PRTFDC1: variants seen among roughly 807,000 people sequenced by gnomAD.
The protein encoded by PRTFDC1 is phosphoribosyltransferase domain-containing protein 1.
Under a neutral mutation model 34.6 loss-of-function variants are expected in PRTFDC1, and 38 were observed. That is an observed-to-expected ratio of 1.10 (90% CI 0.85 to 1.44). The LOEUF (loss-of-function observed/expected upper bound fraction) is 1.44. Ranked by LOEUF, PRTFDC1 falls within the 40% of genes most tolerant of loss-of-function variation. The pLI is 0.00. For missense variants in PRTFDC1, 270 were observed against 283.0 expected, an observed-to-expected ratio of 0.95 and a Z score of 0.33; for synonymous variants, 93 against 98.1, an observed-to-expected ratio of 0.95 and a Z score of 0.31.
chr10:24,939,793 CAAAAAAAAAAAAA>C (rs55974992), intron 2 of PRTFDC1, among the ~76,000 whole-genome samples: 3 of 71,542 alleles, frequency 4.2e-5, no homozygotes, highest in African/African-American at 1.7e-4. Flanking sequence ...GACTCTATCT[CAAAAAAAAAAAAA>C]AAAAAAAAAG....
At chr10:24,917,919 T>C (rs1848721284) in intron 3 of PRTFDC1, among the ~76,000 whole-genome samples, 1 of 152,142 alleles carries the variant, frequency 6.6e-6, no homozygotes, top group Non-Finnish European at 1.5e-5. Flanking sequence ...ATATAAAAAG[T>C]TTAGCTGGAT....
At chr10:24,913,304 G>T (rs1460285136) in intron 3 of PRTFDC1, among the ~76,000 whole-genome samples, 1 of 152,218 alleles carries the variant, frequency 6.6e-6, no homozygotes, top group Non-Finnish European at 1.5e-5. Flanking sequence ...AAGGAATAAC[G>T]TCAGGCAGTC....
At chr10:24,851,646 C>T (rs1210300820) in intron 7 of PRTFDC1, among the ~76,000 whole-genome samples, 182 bp from the exon 8 acceptor site, 5 of 151,606 alleles carry the variant, frequency 3.3e-5, no homozygotes, top group Non-Finnish European at 4.4e-5. Context: ...AAGGACTACT[C>T]GGGAGGAAGG....
chr10:24,929,040 C>CAAAAAA (rs536613455), intron 3 of PRTFDC1, among the ~76,000 whole-genome samples: 54 of 73,552 alleles, frequency 7.3e-4, no homozygotes, highest in African/African-American at 1.7e-3. Flanking sequence ...GACTCCGTCT[C>CAAAAAA]AAAAAAAAAA....
At chr10:24,866,478 C>T (rs9418462) in intron 4 of PRTFDC1, among the ~76,000 whole-genome samples, 93,559 of 151,776 alleles carry the variant, frequency 0.62, 29,647 homozygotes, top group Non-Finnish European at 0.7. Context: ...CAGATTTGAG[C>T]CTGTTTCCAT....
chr10:24,897,585 C>A (rs1351097159), intron 3 of PRTFDC1, among the ~76,000 whole-genome samples: 3 of 152,170 alleles, frequency 2.0e-5, no homozygotes, highest in Non-Finnish European at 4.4e-5. Flanking sequence ...GTGTCCCCAG[C>A]ATGACACTCC....
intron 4 of PRTFDC1, among the ~76,000 whole-genome samples, chr10:24,866,335 T>C: frequency 7.7e-6 from 1 of 129,122 alleles, no homozygotes; most frequent in Non-Finnish European, 1.6e-5. Context: ...CACTCCAGCC[T>C]GGGCGATAGA....
At chr10:24,935,221 AATT>A (rs1849030805) in intron 3 of PRTFDC1, among the ~76,000 whole-genome samples, 1 of 152,192 alleles carries the variant, frequency 6.6e-6, no homozygotes, top group African/African-American at 2.4e-5. Flanking sequence ...ACCTGACTTT[AATT>A]AAAAAAAATG....
intron 1 of PRTFDC1, among the ~76,000 whole-genome samples, chr10:24,943,594 A>AGTGCACCACT (rs1470620995): frequency 6.9e-6 from 1 of 145,926 alleles, no homozygotes; most frequent in African/African-American, 2.6e-5. Flanking sequence ...ACTGTCACCC[A>AGTGCACCACT]GTCTGGAGTG....
chr10:24,868,778 G>T (rs1226513066), intron 4 of PRTFDC1, among the ~76,000 whole-genome samples: 4 of 124,978 alleles, frequency 3.2e-5, no homozygotes, highest in Non-Finnish European at 5.1e-5. Context: ...TAACTGTTGG[G>T]TGCCTTTTCC....
intron 1 of PRTFDC1, among the ~76,000 whole-genome samples, chr10:24,945,599 G>T (rs1177506899): frequency 6.6e-6 from 1 of 152,118 alleles, no homozygotes; most frequent in Non-Finnish European, 1.5e-5. Flanking sequence ...GAGATAAGGA[G>T]TGGACAACCA....
intron 3 of PRTFDC1, among the ~76,000 whole-genome samples, chr10:24,917,002 G>A (rs1372543288): frequency 6.6e-6 from 1 of 152,134 alleles, no homozygotes; most frequent in Admixed American, 6.5e-5. Context: ...CAGCTCAATG[G>A]TGTATTCGAG....
rs576720751 is a variant in PRTFDC1 at position 24,883,133 on chromosome 10, T to C, written c.340-11070A>G. Among the ~76,000 whole-genome samples the C allele has an allele frequency of 2.0e-5, 3 of 148,344 alleles. No individual in the cohort carries two copies. In the East Asian group the frequency reaches 5.8e-4, roughly 29 times the overall value. ...TATTATAATTATAAATAATATAATA[T>C]AACATAAATATTATATATATATGTT... On this transcript the variant is annotated intron_variant, in intron 3 of 8. Transcript: ENST00000320152.
At chr10:24,904,290 AC>A (rs1848497525) in intron 3 of PRTFDC1, among the ~76,000 whole-genome samples, 3 of 151,736 alleles carry the variant, frequency 2.0e-5, no homozygotes, top group Non-Finnish European at 2.9e-5. Context: ...ACACACACAC[AC>A]ACAAGGAATC....
At chr10:24,866,023 AGGGGGAACTTTTGGCAGTTTCCGATG>A (rs999887477) in intron 4 of PRTFDC1, among the ~76,000 whole-genome samples, 8 of 152,160 alleles carry the variant, frequency 5.3e-5, no homozygotes, top group African/African-American at 1.9e-4. Context: ...AAGGCAGCCA[AGGGGGAACTTTTGGCAGTTTCCGATG>A]CTTCACTCTG....
chr10:24,905,515 T>A (rs1848520716), intron 3 of PRTFDC1, among the ~76,000 whole-genome samples: 1 of 151,958 alleles, frequency 6.6e-6, no homozygotes, highest in Non-Finnish European at 1.5e-5. Flanking sequence ...AGAGACAGGG[T>A]TTTGCCATGT....
At chr10:24,885,702 G>A (rs1433491779) in intron 3 of PRTFDC1, among the ~76,000 whole-genome samples, 2 of 152,218 alleles carry the variant, frequency 1.3e-5, no homozygotes, top group African/African-American at 4.8e-5. Context: ...ACCGCACCTG[G>A]CCAGCAGCTT....
In PRTFDC1 at chr10:24,855,306, A is replaced by G. The variant is rs755142495; in HGVS notation, c.553+12T>C. On this transcript the variant is annotated intron_variant, in intron 7 of 8. Coordinates refer to ENST00000320152, the MANE Select transcript of PRTFDC1 (RefSeq NM_020200.7). The stretch of plus-strand genomic sequence containing the variant: ...AAACAAACAAACAAACAAAAAACTG[A>G]AAAACACTTACAGTCAGGTCTAAAG... The G allele has an allele frequency of 1.2e-6, 2 of 1,611,070 alleles. No homozygotes were observed. The highest frequency in any genetic ancestry group is 2.7e-5 in the African/African-American group (2 of 74,910).
intron 3 of PRTFDC1, among the ~76,000 whole-genome samples, chr10:24,897,025 C>A (rs1848378470): frequency 6.6e-6 from 1 of 152,092 alleles, no homozygotes; most frequent in Non-Finnish European, 1.5e-5. Context: ...GCCTGGGAAA[C>A]ATGGCAAAAA....
Sources: gnomAD v4.1 joint callset for allele counts (sites outside exome capture counted in the v4.1 genomes callset) on GRCh38, gnomAD v4.1.1 for gene constraint, MANE v1.5 for transcripts, NCBI Gene and HGNC (gene_info 2026-07-23, HGNC 2026-07-21) for gene names.